Variants in DLG2 observed in about 807,000 individuals in gnomAD.
DLG2 encodes discs large MAGUK scaffold protein 2, also known as disks large homolog 2.
In DLG2, 45 loss-of-function variants were observed where a neutral mutation model predicts 132.5. The observed-to-expected ratio is 0.34, with a 90% CI of 0.27 to 0.44. The LOEUF is 0.44. Ranked by LOEUF, DLG2 falls within the 20% of genes least tolerant of loss-of-function variation. DLG2 has a pLI of 1.00. For missense variants in DLG2, 1,045 were observed against 1,196.9 expected (o/e 0.87, Z 1.87); for synonymous variants, 424 against 419.6 (o/e 1.01, Z -0.13).
intron 3 of DLG2, among the ~76,000 whole-genome samples, chr11:85,582,293 G>C (rs1383183234): frequency 6.6e-6 from 1 of 152,066 alleles, no homozygotes; most frequent in Non-Finnish European, 1.5e-5. Context: ...AATGAACTGG[G>C]TCAATAAGAG....
chr11:85,113,948 C>T (rs2073165721), intron 5 of DLG2, among the ~76,000 whole-genome samples: 1 of 151,892 alleles, frequency 6.6e-6, no homozygotes, highest in Non-Finnish European at 1.5e-5. Context: ...GGTTATTTCC[C>T]TGTGAGTTTC....
chr11:84,267,022 G>A (rs1307922980), intron 7 of DLG2, among the ~76,000 whole-genome samples: 1 of 152,136 alleles, frequency 6.6e-6, no homozygotes, highest in Non-Finnish European at 1.5e-5. Context: ...ATCCAAAGCA[G>A]AAAAAAATGC....
At chr11:83,870,910 C>A (rs562584805) in intron 16 of DLG2, among the ~76,000 whole-genome samples, 6 of 152,254 alleles carry the variant, frequency 3.9e-5, no homozygotes, top group African/African-American at 1.4e-4. Flanking sequence ...GAGACATAAT[C>A]CGAGGAAATG....
chr11:85,256,879 A>C (rs1472412115), intron 4 of DLG2, among the ~76,000 whole-genome samples: 2 of 152,250 alleles, frequency 1.3e-5, no homozygotes, highest in African/African-American at 4.8e-5. Flanking sequence ...TTAATCAGAA[A>C]ATATTGTATT....
At chr11:84,286,649 T>C (rs1265256931) in intron 7 of DLG2, among the ~76,000 whole-genome samples, 1 of 152,178 alleles carries the variant, frequency 6.6e-6, no homozygotes, top group Admixed American at 6.5e-5. Flanking sequence ...AATAGCAAGA[T>C]CTATATGGCA....
At chr11:84,538,866 C>A (rs1565234791) in intron 6 of DLG2, among the ~76,000 whole-genome samples, 1 of 152,060 alleles carries the variant, frequency 6.6e-6, no homozygotes, top group Non-Finnish European at 1.5e-5. Context: ...TATGACTAAG[C>A]AAGAAATGAC....
At chr11:85,297,019 T>C (rs1382652348) in intron 3 of DLG2, among the ~76,000 whole-genome samples, 1 of 151,454 alleles carries the variant, frequency 6.6e-6, no homozygotes, top group African/African-American at 2.4e-5. Flanking sequence ...ATTTCCATTA[T>C]ATTATTTTAA....
chr11:84,776,101 CCCT>C (rs2070430696), intron 6 of DLG2, among the ~76,000 whole-genome samples: 1 of 151,712 alleles, frequency 6.6e-6, no homozygotes, highest in African/African-American at 2.4e-5. Flanking sequence ...GTATTTTATC[CCCT>C]CCTTTTTGTT....
intron 3 of DLG2, among the ~76,000 whole-genome samples, chr11:85,369,790 CT>C (rs1184288766): frequency 2.6e-5 from 4 of 152,166 alleles, no homozygotes; most frequent in South Asian, 2.1e-4. Context: ...GGGTTTTCTT[CT>C]GCCTGTCTGT....
chr11:84,249,211 C>A (rs1203640233), intron 8 of DLG2, among the ~76,000 whole-genome samples: 1 of 152,156 alleles, frequency 6.6e-6, no homozygotes, highest in Admixed American at 6.5e-5. Context: ...TGCTTACATG[C>A]TTTGACAATG....
intron 6 of DLG2, among the ~76,000 whole-genome samples, chr11:84,971,335 C>T (rs190762709): frequency 1.2e-4 from 19 of 152,220 alleles, no homozygotes; most frequent in African/African-American, 4.6e-4. Flanking sequence ...GAGATATAGA[C>T]ATAAGGATGA....
chr11:84,261,136 G>T (rs2097543368), intron 7 of DLG2, among the ~76,000 whole-genome samples: 1 of 152,082 alleles, frequency 6.6e-6, no homozygotes, highest in African/African-American at 2.4e-5. Context: ...CCAATAACCT[G>T]GTTCTTTAGG....
intron 21 of DLG2, among the ~76,000 whole-genome samples, chr11:83,499,891 A>ATCTATC (rs1555113388): frequency 6.5e-5 from 7 of 108,200 alleles, no homozygotes; most frequent in African/African-American, 2.8e-4. Context: ...ATATATATAT[A>ATCTATC]TATATATCAG....
chr11:83,852,249 CACAAACTG>C (rs1417720240), intron 16 of DLG2, among the ~76,000 whole-genome samples: 1 of 152,220 alleles, frequency 6.6e-6, no homozygotes, highest in Non-Finnish European at 1.5e-5. Context: ...TGAGCCAATG[CACAAACTG>C]ACATGAACAT....
At chr11:84,169,101 T>C (rs1012407979) in intron 8 of DLG2, among the ~76,000 whole-genome samples, 1 of 152,114 alleles carries the variant, frequency 6.6e-6, no homozygotes, top group African/African-American at 2.4e-5. Context: ...TCTTAAAACC[T>C]CAATTTCTTT....
intron 7 of DLG2, among the ~76,000 whole-genome samples, chr11:84,529,614 T>C (rs886082695): frequency 6.6e-6 from 1 of 152,094 alleles, no homozygotes; most frequent in Non-Finnish European, 1.5e-5. Context: ...ACAACACGGA[T>C]GACAAAAAAA....
chr11:83,508,425 T>TTTTTTTC (rs1383221762), intron 21 of DLG2, among the ~76,000 whole-genome samples: 1 of 144,220 alleles, frequency 6.9e-6, no homozygotes, highest in African/African-American at 2.7e-5. Flanking sequence ...TTTTTTTTTT[T>TTTTTTTC]AGTAGAGATG....
chr11:85,404,470 A>G (rs2088516349), intron 3 of DLG2, among the ~76,000 whole-genome samples: 2 of 151,990 alleles, frequency 1.3e-5, no homozygotes. Context: ...ACCAGGGAGT[A>G]GGGATTATAA....
At chr11:84,759,787 CT>C (rs571621649) in intron 6 of DLG2, among the ~76,000 whole-genome samples, 38 of 149,550 alleles carry the variant, frequency 2.5e-4, no homozygotes, top group Middle Eastern at 7.0e-3. Flanking sequence ...AAGAAGTGAT[CT>C]TTTTTTTTTC....
Sources: allele counts gnomAD v4.1 joint callset (sites outside exome capture counted in the v4.1 genomes callset), GRCh38; gene constraint gnomAD v4.1.1; transcripts MANE v1.5; gene names NCBI Gene and HGNC (gene_info 2026-07-23, HGNC 2026-07-21).